The following SEL1L3 variants were observed in gnomAD, a reference collection of about 807,000 sequenced individuals.
SEL1L3 encodes protein sel-1 homolog 3.
In SEL1L3, 76 loss-of-function variants were observed where a neutral mutation model predicts 142.8. The observed-to-expected ratio is 0.53, with a 90% CI of 0.44 to 0.64. The LOEUF is 0.64. Ranked by LOEUF, SEL1L3 falls within the 30% of genes least tolerant of loss-of-function variation. The pLI is 0.00. For synonymous variants in SEL1L3, 504 were observed against 519.6 expected, an observed-to-expected ratio of 0.97 and a Z score of 0.41; for missense variants, 1,262 against 1,381.7, an observed-to-expected ratio of 0.91 and a Z score of 1.37.
chr4:25,818,059 C>G (rs1714505560), intron 9 of SEL1L3, 79 bp downstream of exon 9: 1 of 1,456,734 alleles, frequency 6.9e-7, no homozygotes, highest in African/African-American at 1.4e-5. Context: ...GCATAAATCA[C>G]CAAAGAGGGT....
At chr4:25,830,381 G>C (rs968858763) in intron 5 of SEL1L3, among the ~76,000 whole-genome samples, 4 of 152,208 alleles carry the variant, frequency 2.6e-5, no homozygotes, top group African/African-American at 9.7e-5. Context: ...CTACAATGCA[G>C]TTTCCACCAA....
chr4:25,776,796 G>C (rs943827421), intron 16 of SEL1L3: 1 of 152,040 alleles, frequency 6.6e-6, no homozygotes, highest in Non-Finnish European at 1.5e-5. Flanking sequence ...AATAGTTTAA[G>C]AATGCATAAC....
chr4:25,861,627 GCT>G (rs1437684162), intron 1 of SEL1L3, among the ~76,000 whole-genome samples: 5 of 133,242 alleles, frequency 3.8e-5, no homozygotes, highest in Non-Finnish European at 7.8e-5. Flanking sequence ...CAATGACACT[GCT>G]CTTTTTTTTT....
the SEL1L3 span, among the ~76,000 whole-genome samples, chr4:25,729,933 T>TCTC: frequency 6.6e-6 from 1 of 151,152 alleles, no homozygotes; most frequent in African/African-American, 2.4e-5. Flanking sequence ...TTCTCCTTCT[T>TCTC]CTTCTTCTTC....
rs1718185754 is a variant in SEL1L3, at chr4:25,758,931, C to T, written c.3083+10G>A. On this transcript the variant is annotated intron_variant, in intron 21 of 23. Coordinates refer to ENST00000399878, the MANE Select transcript of SEL1L3 (RefSeq NM_015187.5). The stretch of plus-strand genomic sequence containing the variant: ...CTCAGATTCCACAGTTCTAGAGGCT[C>T]TGAGCTCACCTTTCGTACAGTTCCT... 1 of 1,612,470 alleles carries T rather than the reference C, an allele frequency of 6.2e-7. No homozygotes were observed. Among genetic ancestry groups the T allele is most frequent in the Non-Finnish European group, 8.5e-7 (1 of 1,179,460 alleles).
At chr4:25,767,957 GT>G in intron 17 of SEL1L3, 127 bp from the exon 18 acceptor site, 3 of 628,058 alleles carry the variant, frequency 4.8e-6, no homozygotes, top group African/African-American at 1.9e-5. Context: ...AAAATCGTGA[GT>G]TTTTTTAAAA....
At chr4:25,861,630 C>CTTTTT (rs143198162) in intron 1 of SEL1L3, among the ~76,000 whole-genome samples, 2 of 135,462 alleles carry the variant, frequency 1.5e-5, no homozygotes, top group African/African-American at 5.4e-5. Flanking sequence ...TGACACTGCT[C>CTTTTT]TTTTTTTTTT....
intron 17 of SEL1L3, among the ~76,000 whole-genome samples, chr4:25,769,850 G>A (rs1388397408): frequency 6.6e-6 from 1 of 152,188 alleles, no homozygotes; most frequent in Non-Finnish European, 1.5e-5. Context: ...TTCTGGCCAG[G>A]CGTGTGGTTG....
chr4:25,863,157 T>G (rs2109337185), upstream of SEL1L3, among the ~76,000 whole-genome samples: 1 of 129,690 alleles, frequency 7.7e-6, no homozygotes, highest in East Asian at 2.5e-4. Flanking sequence ...CCCACGCAGG[T>G]GGGCACCGAC....
intron 11 of SEL1L3, among the ~76,000 whole-genome samples, chr4:25,795,355 G>A (rs903615905): frequency 5.3e-5 from 8 of 152,148 alleles, no homozygotes; most frequent in Non-Finnish European, 1.0e-4. Flanking sequence ...TGTTTAGAAC[G>A]TTAACCCTAT....
At chr4:25,837,144 AG>A (rs1335859254) in intron 2 of SEL1L3, among the ~76,000 whole-genome samples, 1 of 151,502 alleles carries the variant, frequency 6.6e-6, no homozygotes, top group Non-Finnish European at 1.5e-5. Flanking sequence ...GGGTGGTGAG[AG>A]GGGTGAGAAA....
At chr4:25,727,349 C>T in the SEL1L3 span, among the ~76,000 whole-genome samples, 1 of 151,998 alleles carries the variant, frequency 6.6e-6, no homozygotes, top group African/African-American at 2.4e-5. Context: ...ACCATGCCTG[C>T]CCCAAATTTC....
chr4:25,779,176 C>T lies in SEL1L3; in HGVS notation c.2485G>A (p.Ala829Thr). The part of the protein sequence containing the change: ...QTLAGEYFHK[A>T]AQGGHMEGTL... ...CCTTCCATGTGTCCACCTTGCGCAG[C>T]CTTATGGAAATATTCACCAGCTAAA... Residue 829 changes from alanine (A) to threonine (T), a missense_variant, in exon 16 of 24, where the codon GCT (alanine) becomes ACT (threonine). This residue lies in a region of SEL1L3 where 435 missense variants were observed against 559.2 expected (regional missense o/e 0.78). Transcript: ENST00000399878. The T allele has an allele frequency of 6.2e-7, 1 of 1,613,506 alleles. No individual in the cohort carries two copies. The highest frequency in any genetic ancestry group is 1.1e-5 in the South Asian group (1 of 91,036).
intron 23 of SEL1L3, among the ~76,000 whole-genome samples, chr4:25,757,181 T>C (rs1193537226): frequency 2.6e-5 from 4 of 151,900 alleles, no homozygotes; most frequent in Non-Finnish European, 5.9e-5. Context: ...GACAGGAGAA[T>C]TGCTTGAACC....
At chr4:25,767,155 G>A (rs6836844) in intron 19 of SEL1L3, among the ~76,000 whole-genome samples, 47,037 of 151,862 alleles carry the variant, frequency 0.31, 8,505 homozygotes, top group East Asian at 0.54. Context: ...TTAGCTGGGC[G>A]TGGTCGTGGG....
chr4:25,817,929 T>G (rs1714500191), intron 9 of SEL1L3, among the ~76,000 whole-genome samples: 1 of 152,208 alleles, frequency 6.6e-6, no homozygotes, highest in Non-Finnish European at 1.5e-5. Context: ...GATTCCTAAA[T>G]TTAAGTTTTT....
intron 17 of SEL1L3, among the ~76,000 whole-genome samples, chr4:25,769,693 C>T (rs565292306): frequency 6.6e-6 from 1 of 152,198 alleles, no homozygotes; most frequent in Non-Finnish European, 1.5e-5. Context: ...CTGGCCTGCA[C>T]TGGTGTCTCA....
chr4:25,763,033 T>C (rs1718483816), intron 20 of SEL1L3, among the ~76,000 whole-genome samples: 1 of 151,924 alleles, frequency 6.6e-6, no homozygotes, highest in Non-Finnish European at 1.5e-5. Flanking sequence ...TACATCTGCT[T>C]GTGGGCAGGG....
At chr4:25,804,800 C>G (rs765320669) in intron 9 of SEL1L3, 48 bp from the exon 10 acceptor site, 2 of 1,366,176 alleles carry the variant, frequency 1.5e-6, no homozygotes, top group South Asian at 2.3e-5. Context: ...ACCATGGGAT[C>G]GATGTGGCTT....
Sources: gnomAD v4.1 joint callset for allele counts (sites outside exome capture counted in the v4.1 genomes callset) on GRCh38, gnomAD v4.1.1 for gene constraint, gnomAD v4.1.1 regional missense constraint, MANE v1.5 for transcripts, NCBI Gene and HGNC (gene_info 2026-07-23, HGNC 2026-07-21) for gene names.